The following ADGRB3 variants were observed in gnomAD, a reference collection of about 807,000 sequenced individuals.
The protein encoded by ADGRB3 is brain-specific angiogenesis inhibitor 3.
Under a neutral mutation model 193.4 loss-of-function variants are expected in ADGRB3, and 37 were observed. The ratio of observed to expected loss-of-function variants is 0.19; its 90% confidence interval spans 0.15 to 0.25. The LOEUF (loss-of-function observed/expected upper bound fraction) is 0.25. Among genes scored for constraint, ADGRB3 ranks in the 10% least tolerant of loss-of-function variants. The pLI is 1.00. For synonymous variants in ADGRB3, 690 were observed against 644.2 expected (o/e 1.07, Z -1.08); for missense variants, 1,637 against 1,852.9 (o/e 0.88, Z 2.14).
At chr6:69,337,446 G>A (rs181089689) in intron 24 of ADGRB3, among the ~76,000 whole-genome samples, 1 of 152,240 alleles carries the variant, frequency 6.6e-6, no homozygotes, top group Admixed American at 6.5e-5. Context: ...TTAAATTAGA[G>A]TCTTTGTGGT....
At chr6:68,949,244 T>C (rs1358899862) in intron 6 of ADGRB3, among the ~76,000 whole-genome samples, 1 of 152,066 alleles carries the variant, frequency 6.6e-6, no homozygotes, top group East Asian at 1.9e-4. Flanking sequence ...TAGGAAGAAA[T>C]ACCCTCATAC....
chr6:68,846,632 C>T (rs1768281262), intron 3 of ADGRB3, among the ~76,000 whole-genome samples: 1 of 152,232 alleles, frequency 6.6e-6, no homozygotes, highest in Non-Finnish European at 1.5e-5. Context: ...CTTCCATGTG[C>T]TGTTGAGCCT....
At chr6:69,257,841 A>C (rs1766815297) in intron 20 of ADGRB3, among the ~76,000 whole-genome samples, 1 of 152,234 alleles carries the variant, frequency 6.6e-6, no homozygotes, top group Admixed American at 6.5e-5. Context: ...TTAGCTATGC[A>C]CATCAAGGGA....
intron 17 of ADGRB3, among the ~76,000 whole-genome samples, chr6:69,191,156 C>T (rs772849826): frequency 2.6e-5 from 4 of 152,140 alleles, no homozygotes; most frequent in Non-Finnish European, 5.9e-5. Flanking sequence ...TTATGATTCT[C>T]ATTTGAAATT....
In ADGRB3 at chr6:69,066,623, G is replaced by A. The variant is rs116397888; in HGVS notation, c.2436+3587G>A. 9.0e-4 allele frequency among the ~76,000 whole-genome samples: 137 copies of A among 152,200 alleles called. 1 individual carries two copies. The highest frequency in any genetic ancestry group is 3.2e-3 in the African/African-American group (132 of 41,546). ...CTTTAACCAGATTAGTCATTAATTA[G>A]TAAGACACTATTCTTAGTTCAGTTT... On this transcript the variant is annotated intron_variant, in intron 16 of 31. Coordinates refer to ENST00000370598, the MANE Select transcript of ADGRB3 (RefSeq NM_001704.3).
chr6:69,139,222 A>G (rs756903240), intron 17 of ADGRB3, among the ~76,000 whole-genome samples: 110 of 152,076 alleles, frequency 7.2e-4, no homozygotes, highest in Non-Finnish European at 9.7e-4. Flanking sequence ...CAGCTCACCC[A>G]TTTTCCTCTC....
At chr6:68,809,413 G>T (rs1330635432) in intron 3 of ADGRB3, among the ~76,000 whole-genome samples, 2 of 152,202 alleles carry the variant, frequency 1.3e-5, no homozygotes, top group South Asian at 4.1e-4. Flanking sequence ...ATCTATCGAT[G>T]TTGGAATGTA....
At chr6:68,700,293 A>G (rs1188089442) in intron 3 of ADGRB3, among the ~76,000 whole-genome samples, 1 of 152,188 alleles carries the variant, frequency 6.6e-6, no homozygotes, top group African/African-American at 2.4e-5. Flanking sequence ...TCAAATATTT[A>G]TACTCCTTAA....
chr6:68,953,966 C>T (rs1333670356), intron 6 of ADGRB3, among the ~76,000 whole-genome samples: 1 of 152,194 alleles, frequency 6.6e-6, no homozygotes, highest in Non-Finnish European at 1.5e-5. Flanking sequence ...AGTAGACATC[C>T]ACAGACTGAT....
intron 17 of ADGRB3, among the ~76,000 whole-genome samples, chr6:69,118,929 G>A (rs1319840674): frequency 1.3e-5 from 2 of 152,048 alleles, no homozygotes; most frequent in African/African-American, 4.8e-5. Context: ...ATAATGAAGA[G>A]TATATGATAA....
In ADGRB3 at chr6:68,978,065, G is replaced by T. The variant is rs1005972052; in HGVS notation, c.1734+2725G>T. Among the ~76,000 whole-genome samples the T allele has an allele frequency of 7.3e-5, 11 of 151,376 alleles. 2 individuals are homozygous for T. The highest frequency in any genetic ancestry group is 3.0e-5 in the Non-Finnish European group (2 of 67,654). ...AGCTTGCTATTTACAAAATGGAATT[G>T]GTTCCATCATCTTAGCACCTGTGGA... On this transcript the variant is annotated intron_variant, in intron 10 of 31. Coordinates refer to ENST00000370598, the MANE Select transcript of ADGRB3 (RefSeq NM_001704.3).
intron 3 of ADGRB3, among the ~76,000 whole-genome samples, chr6:68,661,712 G>C (rs1353316530): frequency 2.0e-5 from 3 of 150,438 alleles, no homozygotes; most frequent in African/African-American, 7.3e-5. Flanking sequence ...TAATGGTAGT[G>C]GGGGAACTTC....
At chr6:69,119,534 A>AT (rs1261022495) in intron 17 of ADGRB3, among the ~76,000 whole-genome samples, 1 of 152,260 alleles carries the variant, frequency 6.6e-6, no homozygotes. Context: ...TGGTCAGCAT[A>AT]ACACTCACTG....
chr6:68,768,691 G>A (rs966333573), intron 3 of ADGRB3, among the ~76,000 whole-genome samples: 2 of 152,126 alleles, frequency 1.3e-5, no homozygotes, highest in Non-Finnish European at 2.9e-5. Context: ...ATTGACAAAT[G>A]GGATCTAATT....
intron 3 of ADGRB3, among the ~76,000 whole-genome samples, chr6:68,710,610 G>A (rs1765393440): frequency 6.6e-6 from 1 of 152,062 alleles, no homozygotes; most frequent in Non-Finnish European, 1.5e-5. Context: ...GACCTTGAGG[G>A]AATGAACTGG....
intron 20 of ADGRB3, among the ~76,000 whole-genome samples, chr6:69,260,894 G>A (rs891474839): frequency 1.3e-5 from 2 of 152,098 alleles, no homozygotes; most frequent in Admixed American, 1.3e-4. Flanking sequence ...AGTCTAAACT[G>A]TATTTAGGAA....
At chr6:69,218,299 T>C (rs953614235) in intron 17 of ADGRB3, among the ~76,000 whole-genome samples, 2 of 152,082 alleles carry the variant, frequency 1.3e-5, no homozygotes, top group African/African-American at 4.8e-5. Flanking sequence ...TATTAGTAAA[T>C]TTTTTCCATC....
Position 68,943,889 on chromosome 6 carries a change from G to C in ADGRB3, c.1090G>C (p.Gly364Arg). The C allele has an allele frequency of 6.2e-7, 1 of 1,613,902 alleles. No individual in the cohort carries two copies. The highest frequency in any genetic ancestry group is 8.5e-7 in the Non-Finnish European group (1 of 1,179,832). The change falls in exon 6 of 32, where the codon GGC becomes CGC. Residue 364 changes from glycine (G) to arginine (R), a missense_variant. Physicochemically the swap from Gly to Arg is moderately radical, Grantham distance 125. Coordinates refer to ENST00000370598, the MANE Select transcript of ADGRB3 (RefSeq NM_001704.3). ...TTTATGTTCATTTACATGTGGTCGA[G>C]GCCAAAGAACAAGAACAAGGTCATG... ...WSLCSFTCGRGQRTRTRSCTP... is the reference protein window; with the variant it reads ...WSLCSFTCGRRQRTRTRSCTP...
chr6:68,691,846 AT>A (rs1440041004), intron 3 of ADGRB3, among the ~76,000 whole-genome samples: 3 of 149,250 alleles, frequency 2.0e-5, no homozygotes, highest in Non-Finnish European at 4.5e-5. Context: ...GGACAATTAT[AT>A]ATATATATAT....
Sources: allele counts gnomAD v4.1 joint callset (sites outside exome capture counted in the v4.1 genomes callset), GRCh38; gene constraint gnomAD v4.1.1; transcripts MANE v1.5; gene names NCBI Gene and HGNC (gene_info 2026-07-23, HGNC 2026-07-21).